The following CACNA2D4 variants were observed in gnomAD, a reference collection of about 807,000 sequenced individuals.
CACNA2D4 encodes the protein voltage-dependent calcium channel subunit alpha-2/delta-4.
CACNA2D4 carries 157 observed loss-of-function variants against 163.8 expected under a neutral mutation model. That is an observed-to-expected ratio of 0.96 (90% CI 0.84 to 1.09). The LOEUF is 1.09. CACNA2D4 is among the 50% of genes least tolerant of loss of function. The pLI, the probability that CACNA2D4 is intolerant of heterozygous loss-of-function variation, is 0.00. For synonymous variants in CACNA2D4, 598 were observed against 586.9 expected (o/e 1.02, Z -0.27); for missense variants, 1,410 against 1,479.9 (o/e 0.95, Z 0.78).
At chr12:1,838,990 A>G (rs1026253551) in intron 26 of CACNA2D4, among the ~76,000 whole-genome samples, 5 of 152,162 alleles carry the variant, frequency 3.3e-5, no homozygotes. Context: ...GACCAGTGAC[A>G]CCGGGCTTCT....
At chr12:1,852,560 T>A (rs1424082089) in intron 23 of CACNA2D4, among the ~76,000 whole-genome samples, 2 of 152,212 alleles carry the variant, frequency 1.3e-5, no homozygotes, top group Admixed American at 1.3e-4. Flanking sequence ...CTTTTCTATA[T>A]CTTTGGAGAT....
chr12:1,882,371 C>G (rs1007504063), intron 13 of CACNA2D4, among the ~76,000 whole-genome samples: 1 of 152,238 alleles, frequency 6.6e-6, no homozygotes, highest in African/African-American at 2.4e-5. Context: ...AGAAAGGTCT[C>G]CCTTCCCCAG....
chr12:1,816,588 C>T (rs546531043), intron 26 of CACNA2D4, among the ~76,000 whole-genome samples: 23 of 152,338 alleles, frequency 1.5e-4, no homozygotes, highest in South Asian at 4.1e-4. Flanking sequence ...CCTGTAAGAT[C>T]GCAGCTCAGC....
At chr12:1,808,208 G>A (rs1485958898) in intron 29 of CACNA2D4, among the ~76,000 whole-genome samples, 1 of 152,122 alleles carries the variant, frequency 6.6e-6, no homozygotes, top group Non-Finnish European at 1.5e-5. Context: ...CAAGGCTGGG[G>A]TGGTTTCCCT....
At chr12:1,825,693 C>T (rs1428982512) in intron 26 of CACNA2D4, among the ~76,000 whole-genome samples, 1 of 152,190 alleles carries the variant, frequency 6.6e-6, no homozygotes, top group African/African-American at 2.4e-5. Flanking sequence ...GTGCTGTGTA[C>T]AGAGCTCCAA....
Position 1,913,101 on chromosome 12 carries a change from C to T in CACNA2D4, c.348G>A (p.Glu116=). ...TCCTCACCAGCTCCAAGCCATCCAC[C>T]TCCTCGATCTTCAGACTGGACTCCA... ...KDVESSLKIE[E]VDGLELVRKF... is the part of the protein sequence containing the mutation. The change falls in exon 3 of 38, where the codon GAG becomes GAA. Residue 116 remains glutamate (E), a synonymous_variant. Transcript: ENST00000382722. The T allele has an allele frequency of 1.2e-6, 2 of 1,613,878 alleles. No individual in the cohort carries two copies. Among genetic ancestry groups the T allele is most frequent in the Middle Eastern group, 1.6e-4 (1 of 6,062 alleles).
rs768577254 is a variant in CACNA2D4, at chr12:1,801,587, C to A, written c.2779G>T (p.Gly927Trp). ...GAVLTQLLSM[G>W]VFSQVTMYDY... is the part of the protein sequence containing the mutation. Reference sequence around the variant, plus strand: ...TGCCCCACTTACTGGCTGAACACCCCCATGCTGAGCAGCTGGGTCAGGACA... The same window carrying A: ...TGCCCCACTTACTGGCTGAACACCCACATGCTGAGCAGCTGGGTCAGGACA... The change falls in exon 30 of 38, where the codon GGG (glycine) becomes TGG (tryptophan). Residue 927 changes from glycine (G) to tryptophan (W), a missense_variant. By Grantham distance (184) the Gly-to-Trp change is radical (BLOSUM62 -2). Coordinates refer to ENST00000382722, the MANE Select transcript of CACNA2D4 (RefSeq NM_172364.5). 3 of 1,589,406 alleles carry A rather than the reference C, an allele frequency of 1.9e-6. No individual in the cohort carries two copies. Among genetic ancestry groups the A allele is most frequent in the Non-Finnish European group, 2.6e-6 (3 of 1,167,802 alleles).
At position 1,888,220 on chromosome 12, in the gene CACNA2D4, TGAG is replaced by T. The variant is rs539040648; in HGVS notation, c.782-1154_782-1152del. The stretch of plus-strand genomic sequence containing the variant: ...GGGAATTTGATCCTTAGAACAGCAA[TGAG>T]GAGGAGAAGCTGAGTCTGAGATTAC... On this transcript the variant is annotated intron_variant, in intron 6 of 37. Coordinates refer to ENST00000382722, the MANE Select transcript of CACNA2D4 (RefSeq NM_172364.5). 2.1e-3 allele frequency among the ~76,000 whole-genome samples: 315 copies of T among 152,222 alleles called. 2 individuals carry two copies. Among genetic ancestry groups the T allele is most frequent in the African/African-American group, 7.0e-3 (289 of 41,524 alleles).
At chr12:1,849,662 T>G (rs956682391) in intron 23 of CACNA2D4, among the ~76,000 whole-genome samples, 1 of 152,250 alleles carries the variant, frequency 6.6e-6, no homozygotes, top group Non-Finnish European at 1.5e-5. Context: ...AGTCTGTCTC[T>G]GTATCCATCT....
intron 6 of CACNA2D4, among the ~76,000 whole-genome samples, chr12:1,906,859 G>T (rs1224964416): frequency 6.6e-6 from 1 of 152,230 alleles, no homozygotes; most frequent in Non-Finnish European, 1.5e-5. Flanking sequence ...TTTCAGAAAA[G>T]TGGGATAACT....
At chr12:1,885,688 T>C (rs1463521839) in intron 9 of CACNA2D4, among the ~76,000 whole-genome samples, 1 of 152,180 alleles carries the variant, frequency 6.6e-6, no homozygotes, top group Non-Finnish European at 1.5e-5. Flanking sequence ...AAAGGGGAAA[T>C]TGAGTCCTAT....
chr12:1,873,536 A>G (rs1865826416), intron 18 of CACNA2D4, among the ~76,000 whole-genome samples: 1 of 152,218 alleles, frequency 6.6e-6, no homozygotes, highest in Non-Finnish European at 1.5e-5. Flanking sequence ...CCACATTCAG[A>G]TCTACCTTTA....
intron 29 of CACNA2D4, among the ~76,000 whole-genome samples, chr12:1,804,228 C>G (rs1276557528): frequency 6.6e-6 from 1 of 151,982 alleles, no homozygotes; most frequent in Non-Finnish European, 1.5e-5. Flanking sequence ...TTCTGTCCCA[C>G]AGCACCACAC....
rs1400238126 is a variant in CACNA2D4 at position 1,820,137 on chromosome 12, G to A, written c.2552-8414C>T. ...AACAGGAGAAAGACCAGCTTCCCAG[G>A]GGGGCCTCCATCGGAACAGAAGTCA... On this transcript the variant is annotated intron_variant, in intron 26 of 37. Transcript: ENST00000382722. The surrounding 1 kb of genome is among the most constrained non-coding windows in gnomAD (Gnocchi z 6.0). 6.6e-6 allele frequency: 1 copy of A among 152,240 alleles called. No homozygotes were observed. Among genetic ancestry groups the A allele is most frequent in the Non-Finnish European group, 1.5e-5 (1 of 68,072 alleles). 9.4% of individuals were successfully genotyped at this position (152,240 alleles called of 1,614,324 possible). A position where few individuals can be genotyped will look rare whatever the true frequency, so the allele number is the denominator to read the frequency against.
rs1396763425 is a variant in CACNA2D4 at position 1,878,426 on chromosome 12, TGTTTGTGCTGGGCATCTGGA to T, written c.1645-57_1645-38del. On this transcript the variant is annotated intron_variant, in intron 15 of 37. Transcript: ENST00000382722. The surrounding 1 kb of genome is among the most constrained non-coding windows in gnomAD (Gnocchi z 4.6). ...CAGGGTGGAGGCGCATTAGGCCTGC[TGTTTGTGCTGGGCATCTGGA>T]GTTGGGCAGGGGTTTGGGGGCCACA... is the stretch of plus-strand genomic sequence containing the variant. 1.3e-6 allele frequency: 2 copies of T among 1,569,204 alleles called. No homozygotes were observed. Among genetic ancestry groups the T allele is most frequent in the East Asian group, 4.7e-5 (2 of 42,440 alleles).
chr12:1,818,172 AGCCG>A, intron 26 of CACNA2D4, among the ~76,000 whole-genome samples: 1 of 136,922 alleles, frequency 7.3e-6, no homozygotes, highest in Admixed American at 7.2e-5. Context: ...TCCGCCCGGC[AGCCG>A]CCCCGTCTGA....
At chr12:1,811,862 C>A in intron 26 of CACNA2D4, 139 bp from the exon 27 acceptor site, 4 of 757,904 alleles carry the variant, frequency 5.3e-6, no homozygotes, top group Admixed American at 2.5e-5. Context: ...AGTCAGAGGG[C>A]AGAGTGCAAA....
chr12:1,803,373 G>A (rs1477328148), intron 29 of CACNA2D4, among the ~76,000 whole-genome samples: 1 of 152,228 alleles, frequency 6.6e-6, no homozygotes, highest in African/African-American at 2.4e-5. Flanking sequence ...TATGCCCATG[G>A]TTCATAATGC....
At chr12:1,871,610 C>T (rs754524169) in intron 18 of CACNA2D4, among the ~76,000 whole-genome samples, 31 of 142,256 alleles carry the variant, frequency 2.2e-4, no homozygotes, top group Non-Finnish European at 3.6e-4. Flanking sequence ...ACATGTATGC[C>T]GCTCGTGTGT....
Sources: allele counts gnomAD v4.1 joint callset (sites outside exome capture counted in the v4.1 genomes callset), GRCh38; gene constraint gnomAD v4.1.1; non-coding constraint Gnocchi (gnomAD v3.1); transcripts MANE v1.5; gene names NCBI Gene and HGNC (gene_info 2026-07-23, HGNC 2026-07-21).